The following TESK2 variants were observed in gnomAD, a reference collection of about 807,000 sequenced individuals.
TESK2 encodes the protein dual specificity testis-specific protein kinase 2.
Under a neutral mutation model 57.1 loss-of-function variants are expected in TESK2, and 39 were observed. That is an observed-to-expected ratio of 0.68 (90% CI 0.53 to 0.89). The LOEUF (loss-of-function observed/expected upper bound fraction) is 0.89. TESK2 is among the 40% of genes least tolerant of loss of function. The probability of loss-of-function intolerance (pLI) is 0.00; values close to 1 mark genes in which losing one functional copy is unlikely to be tolerated. For missense variants in TESK2, 646 were observed against 732.1 expected (o/e 0.88, Z 1.36); for synonymous variants, 249 against 267.9 (o/e 0.93, Z 0.69).
intron 2 of TESK2, among the ~76,000 whole-genome samples, chr1:45,435,213 A>T (rs1054260579): frequency 2.6e-5 from 4 of 152,002 alleles, no homozygotes; most frequent in African/African-American, 4.8e-5. Context: ...TGCAGCCTCA[A>T]CTTCCTAGGC....
intron 1 of TESK2, among the ~76,000 whole-genome samples, chr1:45,481,975 G>A (rs1049393415): frequency 6.6e-5 from 10 of 152,150 alleles, no homozygotes; most frequent in African/African-American, 2.2e-4. Flanking sequence ...AATAATTCTG[G>A]AGCCACCTCC....
At chr1:45,416,222 A>C (rs1650236256) in intron 3 of TESK2, among the ~76,000 whole-genome samples, 1 of 151,554 alleles carries the variant, frequency 6.6e-6, no homozygotes, top group African/African-American at 2.4e-5. Flanking sequence ...CGCTAGGGCT[A>C]CAGGCGCACA....
At chr1:45,397,864 T>C (rs1649431245) in intron 3 of TESK2, among the ~76,000 whole-genome samples, 1 of 152,172 alleles carries the variant, frequency 6.6e-6, no homozygotes, top group South Asian at 2.1e-4. Flanking sequence ...AACATTTATA[T>C]AGCATTTAGT....
At chr1:45,446,942 G>A (rs1651670450) in intron 2 of TESK2, among the ~76,000 whole-genome samples, 1 of 152,216 alleles carries the variant, frequency 6.6e-6, no homozygotes, top group South Asian at 2.1e-4. Context: ...CCTCAGCCAG[G>A]TACAGTTGTT....
intron 4 of TESK2, among the ~76,000 whole-genome samples, chr1:45,382,900 T>C (rs1479954145): frequency 6.6e-6 from 1 of 152,160 alleles, no homozygotes; most frequent in Non-Finnish European, 1.5e-5. Context: ...CTATCATTAC[T>C]ACAGGTAGTT....
chr1:45,425,980 A>C (rs1019329543), intron 2 of TESK2, among the ~76,000 whole-genome samples: 15 of 151,490 alleles, frequency 9.9e-5, no homozygotes, highest in African/African-American at 3.6e-4. Context: ...CCCTGTCTCT[A>C]CTAAAAAAAA....
At chr1:45,368,430 A>G (rs1160400267) in intron 4 of TESK2, among the ~76,000 whole-genome samples, 1 of 151,730 alleles carries the variant, frequency 6.6e-6, no homozygotes, top group African/African-American at 2.4e-5. Context: ...GCTGGGCTGC[A>G]GTGGCGCAAT....
chr1:45,485,290 C>G lies in TESK2; in HGVS notation c.-87+5562G>C, dbSNP rs1385325099. On this transcript the variant is annotated intron_variant, in intron 1 of 10. Coordinates refer to ENST00000372086, the MANE Select transcript of TESK2 (RefSeq NM_007170.3). ...TGAAGCTCCACCTCCCGGGTTCACG[C>G]CCTTCTCCTGCCTCCGCCTCCTGAG... Among the ~76,000 whole-genome samples, 7 of 149,490 alleles carry G rather than the reference C, an allele frequency of 4.7e-5. No individual in the cohort carries two copies. The East Asian group carries it at 1.4e-3, about 31-fold the overall frequency.
chr1:45,402,545 C>T (rs1033357747), intron 3 of TESK2, among the ~76,000 whole-genome samples: 3 of 149,822 alleles, frequency 2.0e-5, no homozygotes, highest in Admixed American at 6.7e-5. Flanking sequence ...TGCAATGGTG[C>T]GATCTTGGCT....
intron 1 of TESK2, among the ~76,000 whole-genome samples, chr1:45,474,708 GCCTGCCTTGGCCA>G (rs1166069080): frequency 2.0e-5 from 3 of 151,168 alleles, no homozygotes; most frequent in Admixed American, 6.6e-5. Context: ...CCTGACCTTG[GCCTGCCTTGGCCA>G]CCTGCCTTGG....
At position 45,400,451 on chromosome 1, in the gene TESK2, G is replaced by A. The variant is rs184355757; in HGVS notation, c.345-14491C>T. On this transcript the variant is annotated intron_variant, in intron 3 of 10. Transcript: ENST00000372086. Reference sequence around the variant, plus strand: ...GTTGTTTTAAGCTACTAAGTTTGTGGTAATTCGTTATGATAGCCACAGAAA... The same window carrying A: ...GTTGTTTTAAGCTACTAAGTTTGTGATAATTCGTTATGATAGCCACAGAAA... Among the ~76,000 whole-genome samples the A allele has an allele frequency of 1.4e-3, 206 of 152,254 alleles. 1 individual carries two copies. Among genetic ancestry groups the A allele is most frequent in the African/African-American group, 4.8e-3 (199 of 41,544 alleles).
intron 4 of TESK2, among the ~76,000 whole-genome samples, chr1:45,374,222 T>A (rs1004477769): frequency 2.0e-5 from 3 of 152,228 alleles, no homozygotes; most frequent in Non-Finnish European, 4.4e-5. Flanking sequence ...GCTCAAGTGT[T>A]GGGAGCAGTA....
intron 4 of TESK2, among the ~76,000 whole-genome samples, chr1:45,382,852 G>C (rs1412516037): frequency 2.0e-5 from 3 of 152,000 alleles, no homozygotes; most frequent in African/African-American, 7.3e-5. Flanking sequence ...TGGGCAACAA[G>C]AGTGAAACTC....
At chr1:45,394,863 T>C (rs1270394902) in intron 3 of TESK2, among the ~76,000 whole-genome samples, 3 of 151,602 alleles carry the variant, frequency 2.0e-5, no homozygotes, top group Non-Finnish European at 4.4e-5. Context: ...AATTTTTGTA[T>C]TTTTAGTAGA....
chr1:45,482,007 G>A (rs1200186550), intron 1 of TESK2, among the ~76,000 whole-genome samples: 2 of 152,194 alleles, frequency 1.3e-5, no homozygotes, highest in Admixed American at 6.5e-5. Context: ...CAGTGAGCAA[G>A]TGTTGTGAGT....
At chr1:45,468,683 T>C (rs1211829134) in intron 1 of TESK2, among the ~76,000 whole-genome samples, 1 of 152,204 alleles carries the variant, frequency 6.6e-6, no homozygotes, top group Non-Finnish European at 1.5e-5. Context: ...TAATATACTT[T>C]TTTTGGAACA....
chr1:45,413,868 C>T (rs1471310637), intron 3 of TESK2: 1 of 455,880 alleles, frequency 2.2e-6, no homozygotes, highest in South Asian at 1.5e-5. Context: ...CATACTTCTG[C>T]ACCTATAAAA....
intron 2 of TESK2, among the ~76,000 whole-genome samples, chr1:45,443,315 A>C (rs1273452195): frequency 6.6e-6 from 1 of 152,120 alleles, no homozygotes; most frequent in Admixed American, 6.6e-5. Context: ...CTGTAATCCC[A>C]ACACTTTGGG....
At chr1:45,397,071 G>A (rs775653529) in intron 3 of TESK2, among the ~76,000 whole-genome samples, 2 of 151,860 alleles carry the variant, frequency 1.3e-5, no homozygotes, top group Non-Finnish European at 2.9e-5. Context: ...CGCCATCCTC[G>A]GCCTCCTGAA....
Sources: allele counts gnomAD v4.1 joint callset (sites outside exome capture counted in the v4.1 genomes callset), GRCh38; gene constraint gnomAD v4.1.1; transcripts MANE v1.5; gene names NCBI Gene and HGNC (gene_info 2026-07-23, HGNC 2026-07-21).